The following ATG10 variants were observed in gnomAD, a reference collection of about 807,000 sequenced individuals.
The protein encoded by ATG10 is autophagy related 10.
In ATG10, 30 loss-of-function variants were observed where a neutral mutation model predicts 32.1. That is an observed-to-expected ratio of 0.94 (90% confidence interval 0.70 to 1.27). The LOEUF is 1.27. Ranked by LOEUF, ATG10 falls within the 50% of genes most tolerant of loss-of-function variation. ATG10 has a pLI of 0.00. For synonymous variants in ATG10, 87 were observed against 91.5 expected (o/e 0.95, Z 0.28); for missense variants, 233 against 262.3 (o/e 0.89, Z 0.77).
chr5:81,972,053 G>T lies in ATG10; in HGVS notation c.-266G>T, dbSNP rs1208587077. The T allele has an allele frequency of 2.6e-4, 39 of 151,820 alleles. No homozygotes were observed. The highest frequency in any genetic ancestry group is 2.5e-3 in the Admixed American group (38 of 15,254). The allele number at this position is 151,820 out of a possible 1,614,324, so 9.4% of individuals were successfully genotyped here. A position where few individuals can be genotyped will look rare whatever the true frequency, so the allele number is the denominator to read the frequency against. On this transcript the variant is annotated 5_prime_UTR_variant, in exon 1 of 8. Coordinates refer to ENST00000282185, the MANE Select transcript of ATG10 (RefSeq NM_031482.5). ...GCGCACGCTCCGACTCGGCCGTGGC[G>T]GACCTGACTGAAGGAGGCCGCGGAC...
At chr5:82,092,270 CA>C (rs1263459113) in intron 3 of ATG10, among the ~76,000 whole-genome samples, 1 of 151,774 alleles carries the variant, frequency 6.6e-6, no homozygotes, top group African/African-American at 2.4e-5. Context: ...TATCATATGC[CA>C]ATATAAATTA....
intron 3 of ATG10, among the ~76,000 whole-genome samples, chr5:82,155,270 T>G (rs1767758682): frequency 6.6e-6 from 1 of 152,096 alleles, no homozygotes; most frequent in Admixed American, 6.6e-5. Flanking sequence ...CCCTTGGAAA[T>G]GTAATGTAAC....
chr5:81,986,367 T>A (rs575908829), intron 1 of ATG10, among the ~76,000 whole-genome samples: 69 of 152,354 alleles, frequency 4.5e-4, no homozygotes, highest in African/African-American at 1.6e-3. Flanking sequence ...GTTGGTTAGA[T>A]GGAGGTTGGA....
intron 2 of ATG10, among the ~76,000 whole-genome samples, chr5:82,023,007 A>AATATAT (rs140949596): frequency 6.8e-6 from 1 of 147,960 alleles, no homozygotes; most frequent in African/African-American, 2.5e-5. Flanking sequence ...ACACACATAA[A>AATATAT]ATATATATAT....
intron 3 of ATG10, among the ~76,000 whole-genome samples, chr5:82,102,745 T>C (rs1328945547): frequency 6.6e-6 from 1 of 152,212 alleles, no homozygotes; most frequent in African/African-American, 2.4e-5. Flanking sequence ...ACAGTGTTTT[T>C]AGCTGATACC....
At chr5:82,121,818 G>A (rs1581709624) in intron 3 of ATG10, among the ~76,000 whole-genome samples, 2 of 152,188 alleles carry the variant, frequency 1.3e-5, no homozygotes, top group South Asian at 2.1e-4. Flanking sequence ...AAGCCTACTT[G>A]ATTGTGGTGG....
intron 2 of ATG10, among the ~76,000 whole-genome samples, chr5:82,016,253 G>A (rs891352436): frequency 5.3e-5 from 8 of 152,214 alleles, no homozygotes; most frequent in Admixed American, 3.9e-4. Context: ...GTTGATTTTT[G>A]TATAAGGTGA....
intron 6 of ATG10, among the ~76,000 whole-genome samples, chr5:82,253,083 TACC>T (rs1375183842): frequency 6.6e-6 from 1 of 152,226 alleles, no homozygotes; most frequent in Middle Eastern, 3.2e-3. Flanking sequence ...GCCAGTACCT[TACC>T]TCATTCTTCA....
intron 3 of ATG10, among the ~76,000 whole-genome samples, chr5:82,063,135 A>G (rs1763835338): frequency 6.6e-6 from 1 of 152,132 alleles, no homozygotes; most frequent in South Asian, 2.1e-4. Flanking sequence ...CCTGGACAGT[A>G]TAGTGAGACT....
intron 2 of ATG10, among the ~76,000 whole-genome samples, chr5:81,993,967 A>G (rs1318108942): frequency 6.6e-6 from 1 of 152,192 alleles, no homozygotes; most frequent in Admixed American, 6.5e-5. Flanking sequence ...CTTTTTCAAG[A>G]GGAGCCTTGC....
chr5:82,158,255 C>T (rs1767888132), intron 3 of ATG10, among the ~76,000 whole-genome samples: 1 of 152,060 alleles, frequency 6.6e-6, no homozygotes, highest in Non-Finnish European at 1.5e-5. Flanking sequence ...TTTCTAAATA[C>T]ACATATCTTC....
Position 82,122,880 on chromosome 5 carries a change from A to G in ATG10, c.217-41519A>G, listed in dbSNP as rs531346960. Among the ~76,000 whole-genome samples, 175 of 152,364 alleles carry G rather than the reference A, an allele frequency of 1.1e-3. 2 individuals carry two copies. The highest frequency in any genetic ancestry group is 2.3e-3 in the Admixed American group (35 of 15,304). On this transcript the variant is annotated intron_variant, in intron 3 of 7. Coordinates refer to ENST00000282185, the MANE Select transcript of ATG10 (RefSeq NM_031482.5). ...ATAACAGATGCTGGCAAGGTTGCAG[A>G]GAAAAGGGAACACTTATACACTGTT...
At chr5:82,197,260 G>T (rs1409829060) in intron 5 of ATG10, among the ~76,000 whole-genome samples, 2 of 152,060 alleles carry the variant, frequency 1.3e-5, no homozygotes, top group Admixed American at 6.6e-5. Flanking sequence ...TAACCTTGCT[G>T]AACTCTTTTA....
intron 5 of ATG10, among the ~76,000 whole-genome samples, chr5:82,195,086 C>G (rs1744800831): frequency 6.6e-6 from 1 of 152,170 alleles, no homozygotes; most frequent in Non-Finnish European, 1.5e-5. Flanking sequence ...ACTTCAAGCA[C>G]TTTGCTTTGT....
At chr5:82,207,829 A>G (rs1745354671) in intron 5 of ATG10, among the ~76,000 whole-genome samples, 1 of 152,196 alleles carries the variant, frequency 6.6e-6, no homozygotes, top group Non-Finnish European at 1.5e-5. Context: ...AGCCCTGGAA[A>G]TGTGGCTAAT....
intron 5 of ATG10, among the ~76,000 whole-genome samples, chr5:82,212,606 TAA>T (rs1235491830): frequency 6.6e-6 from 1 of 152,204 alleles, no homozygotes; most frequent in Non-Finnish European, 1.5e-5. Flanking sequence ...GGCAAAGATA[TAA>T]AAGTTTGAAA....
chr5:81,983,616 C>T (rs1358792177), intron 1 of ATG10, among the ~76,000 whole-genome samples: 15 of 144,234 alleles, frequency 1.0e-4, no homozygotes, highest in South Asian at 4.5e-4. Context: ...CCTCCCCGGA[C>T]GGGGCGGCTG....
intron 2 of ATG10, among the ~76,000 whole-genome samples, chr5:82,001,871 G>A (rs964132946): frequency 2.0e-5 from 3 of 152,064 alleles, no homozygotes; most frequent in Non-Finnish European, 4.4e-5. Context: ...GGGAGAAAAT[G>A]TTTGCAAACT....
intron 3 of ATG10, among the ~76,000 whole-genome samples, chr5:82,125,669 T>A (rs890402121): frequency 6.6e-5 from 10 of 152,210 alleles, no homozygotes; most frequent in African/African-American, 2.4e-4. Context: ...CTGTTGTAGT[T>A]ACCGTAGCCT....
Sources: gnomAD v4.1 joint callset for allele counts (sites outside exome capture counted in the v4.1 genomes callset) on GRCh38, gnomAD v4.1.1 for gene constraint, MANE v1.5 for transcripts, NCBI Gene and HGNC (gene_info 2026-07-23, HGNC 2026-07-21) for gene names.